ECSCR: variants seen among roughly 807,000 people sequenced by gnomAD.
The protein encoded by ECSCR is endothelial cell surface expressed chemotaxis and apoptosis regulator.
Under a neutral mutation model 16.7 loss-of-function variants are expected in ECSCR, and 12 were observed. That is an observed-to-expected ratio of 0.72 (90% CI 0.46 to 1.17). The LOEUF is 1.17. Among genes scored for constraint, ECSCR ranks in the 50% most tolerant of loss-of-function variants. The pLI is 0.00. For missense variants in ECSCR, 122 were observed against 116.1 expected, an observed-to-expected ratio of 1.05 and a Z score of -0.23; for synonymous variants, 44 against 42.2, an observed-to-expected ratio of 1.04 and a Z score of -0.17.
intron 8 of ECSCR, among the ~76,000 whole-genome samples, chr5:139,454,350 T>TGTGTGTG (rs1281947823): frequency 4.2e-5 from 6 of 143,350 alleles, no homozygotes; most frequent in South Asian, 4.5e-4. Flanking sequence ...ATGTATGTAA[T>TGTGTGTG]GTGTGTGGTG....
intron 8 of ECSCR, among the ~76,000 whole-genome samples, chr5:139,450,184 C>T (rs1236244064): frequency 3.3e-5 from 5 of 152,010 alleles, no homozygotes; most frequent in Non-Finnish European, 5.9e-5. Flanking sequence ...TGAGCCACCG[C>T]GCCTGGCCTA....
At chr5:139,457,900 C>T (rs1303403237) in intron 2 of ECSCR, 93 bp from the exon 3 acceptor site, 2 of 1,370,584 alleles carry the variant, frequency 1.5e-6, no homozygotes. Flanking sequence ...TTTCTCCCTA[C>T]CCCATCCCCC....
In ECSCR at chr5:139,458,135, T is replaced by C. The variant is rs778388488; in HGVS notation, c.106+4A>G. ...CTGGAGTAGACCCATGTGTTTGGTCTTACCCTGAGAGCTAGAGGTCTGGGT... is the reference window on the plus strand; with the variant it reads ...CTGGAGTAGACCCATGTGTTTGGTCCTACCCTGAGAGCTAGAGGTCTGGGT... On this transcript the variant is annotated splice_donor_region_variant and intron_variant, in intron 2 of 9. Coordinates refer to ENST00000618155, the MANE Select transcript of ECSCR (RefSeq NM_001077693.4). 1.9e-5 allele frequency: 30 copies of C among 1,549,560 alleles called. No individual in the cohort carries two copies. In the Admixed American group the frequency reaches 5.3e-4, roughly 27 times the overall value.
chr5:139,451,964 A>G (rs1751061337), intron 8 of ECSCR, among the ~76,000 whole-genome samples: 1 of 135,876 alleles, frequency 7.4e-6, no homozygotes, highest in East Asian at 2.4e-4. Context: ...ATGTGTGTAT[A>G]GTATAGGGTG....
At chr5:139,449,487 G>A (rs919386154) in intron 8 of ECSCR, among the ~76,000 whole-genome samples, 15 of 152,126 alleles carry the variant, frequency 9.9e-5, no homozygotes, top group African/African-American at 3.4e-4. Flanking sequence ...ACAAGCACGT[G>A]CCACCATGCC....
At chr5:139,458,004 G>A in intron 2 of ECSCR, 135 bp downstream of exon 2, 2 of 1,175,634 alleles carry the variant, frequency 1.7e-6, no homozygotes, top group Admixed American at 4.2e-5. Context: ...CTCAGCCTTG[G>A]TGAGTCCTGA....
chr5:139,454,145 G>T (rs1191637169), intron 8 of ECSCR, among the ~76,000 whole-genome samples: 3 of 141,614 alleles, frequency 2.1e-5, no homozygotes, highest in Non-Finnish European at 3.1e-5. Context: ...CTGATGAGTG[G>T]GGTGTGTGTG....
intron 8 of ECSCR, among the ~76,000 whole-genome samples, chr5:139,452,489 TG>T (rs2152088567): frequency 2.9e-4 from 6 of 20,726 alleles, no homozygotes; most frequent in South Asian, 3.5e-3. Context: ...GTGGAGTGTG[TG>T]GTGTGTTTGT....
intron 8 of ECSCR, among the ~76,000 whole-genome samples, chr5:139,451,100 G>A (rs1751032504): frequency 6.6e-6 from 1 of 151,684 alleles, no homozygotes; most frequent in Admixed American, 6.6e-5. Context: ...TGTGTGTGTG[G>A]TGTGAGGGGT....
intron 9 of ECSCR, 45 bp from the exon 10 acceptor site, chr5:139,448,953 T>G: frequency 1.3e-6 from 2 of 1,537,148 alleles, no homozygotes; most frequent in Admixed American, 3.9e-5. Flanking sequence ...TTTTTAGGAT[T>G]GGCAGGGTAC....
At chr5:139,450,784 A>AG (rs1034093975) in intron 8 of ECSCR, among the ~76,000 whole-genome samples, 1 of 152,146 alleles carries the variant, frequency 6.6e-6, no homozygotes, top group African/African-American at 2.4e-5. Context: ...TCAAAAAAAA[A>AG]AAAAAGTAAT....
intron 4 of ECSCR, 133 bp from the exon 5 acceptor site, chr5:139,456,651 C>G (rs906082914): frequency 2.2e-4 from 87 of 393,110 alleles, no homozygotes; most frequent in South Asian, 4.2e-4. Flanking sequence ...CCTTCCTTTT[C>G]CTTCATTTTG....
At chr5:139,450,013 G>C (rs188548048) in intron 8 of ECSCR, among the ~76,000 whole-genome samples, 1 of 152,188 alleles carries the variant, frequency 6.6e-6, no homozygotes, top group Non-Finnish European at 1.5e-5. Flanking sequence ...TCCTGCCTCA[G>C]CTTCCCGAGT....
At chr5:139,453,871 GTGTT>G (rs1751098694) in intron 8 of ECSCR, among the ~76,000 whole-genome samples, 1 of 148,650 alleles carries the variant, frequency 6.7e-6, no homozygotes, top group Non-Finnish European at 1.5e-5. Context: ...AGTGTGTGGT[GTGTT>G]TGAGGTGTGT....
chr5:139,454,824 C>A lies in ECSCR; in HGVS notation c.475+1G>T, dbSNP rs1304406373. ...AAGATCCCCGAGGGCAGGGCACGCA[C>A]CTTCAGACTCCTTGCTCTTCCGACA... On this transcript the variant is annotated splice_donor_variant, in intron 7 of 9. Transcript: ENST00000618155. LOFTEE classifies it high-confidence loss of function. 3 of 398,486 alleles carry A rather than the reference C, an allele frequency of 7.5e-6. No individual in the cohort carries two copies. Among genetic ancestry groups the A allele is most frequent in the Non-Finnish European group, 1.3e-5 (3 of 226,174 alleles). 24.7% of individuals were successfully genotyped at this position (398,486 alleles called of 1,614,324 possible).
chr5:139,452,174 T>C (rs1308749779), intron 8 of ECSCR, among the ~76,000 whole-genome samples: 5 of 134,642 alleles, frequency 3.7e-5, no homozygotes, highest in African/African-American at 1.1e-4. Flanking sequence ...GTGTAGTATA[T>C]GGGTATGTGT....
intron 1 of ECSCR, among the ~76,000 whole-genome samples, chr5:139,461,802 C>T (rs1360367511): frequency 6.6e-6 from 1 of 152,184 alleles, no homozygotes; most frequent in Non-Finnish European, 1.5e-5. Flanking sequence ...CCCTCTTGTG[C>T]ACTCTTTCTG....
intron 2 of ECSCR, 102 bp from the exon 3 acceptor site, chr5:139,457,909 C>T: frequency 7.5e-7 from 1 of 1,335,008 alleles, no homozygotes; most frequent in Non-Finnish European, 1.1e-6. Context: ...ACCCCATCCC[C>T]CACCCCTCAT....
At chr5:139,461,377 G>T (rs1751300407) in intron 1 of ECSCR, among the ~76,000 whole-genome samples, 1 of 152,120 alleles carries the variant, frequency 6.6e-6, no homozygotes, top group South Asian at 2.1e-4. Flanking sequence ...AATGTGCTCA[G>T]GATTCCTCAG....
Sources: gnomAD v4.1 joint callset for allele counts (sites outside exome capture counted in the v4.1 genomes callset) on GRCh38, gnomAD v4.1.1 for gene constraint, MANE v1.5 for transcripts, NCBI Gene and HGNC (gene_info 2026-07-23, HGNC 2026-07-21) for gene names.